The following UTRN variants were observed in gnomAD, a reference collection of about 807,000 sequenced individuals.
The protein encoded by UTRN is dystrophin-related protein 1.
UTRN carries 283 observed loss-of-function variants against 463.9 expected under a neutral mutation model. The observed-to-expected ratio is 0.61, with a 90% confidence interval of 0.55 to 0.67. UTRN has a LOEUF of 0.67. Among genes scored for constraint, UTRN ranks in the 30% least tolerant of loss-of-function variants. UTRN has a pLI of 0.00. For synonymous variants in UTRN, 1,442 were observed against 1,431.5 expected, an observed-to-expected ratio of 1.01 and a Z score of -0.17; for missense variants, 3,922 against 4,084.3, an observed-to-expected ratio of 0.96 and a Z score of 1.08.
chr6:144,850,360 A>G (rs1244385217), intron 74 of UTRN, among the ~76,000 whole-genome samples: 1 of 152,176 alleles, frequency 6.6e-6, no homozygotes, highest in African/African-American at 2.4e-5. Context: ...ATGATTTATG[A>G]GGCATGGACC....
intron 54 of UTRN, among the ~76,000 whole-genome samples, chr6:144,740,507 A>G (rs1789929621): frequency 1.3e-5 from 2 of 152,210 alleles, no homozygotes; most frequent in Non-Finnish European, 2.9e-5. Context: ...ATAGACCACG[A>G]CAATAATTTC....
intron 53 of UTRN, among the ~76,000 whole-genome samples, chr6:144,719,315 A>G (rs1365477655): frequency 1.3e-5 from 2 of 152,214 alleles, no homozygotes; most frequent in African/African-American, 2.4e-5. Flanking sequence ...TCAGTGGCTC[A>G]TGCCTGTGAT....
intron 17 of UTRN, among the ~76,000 whole-genome samples, chr6:144,450,412 C>G (rs908841406): frequency 3.9e-5 from 6 of 152,184 alleles, no homozygotes; most frequent in Non-Finnish European, 7.3e-5. Flanking sequence ...ATGTGATCTT[C>G]CCTTTCTCTG....
rs975149116 is a variant in UTRN at position 144,485,607 on chromosome 6, G to C, written c.3822+88G>C. 3.9e-6 allele frequency: 6 copies of C among 1,544,870 alleles called. No homozygotes were observed. The African/African-American group carries it at 8.3e-5, about 21-fold the overall frequency. ...ATGAGGAATGTAATGCTTTACGCAG[G>C]CAAATGCATTTGCTTCCTCAGTGGT... On this transcript the variant is annotated intron_variant, in intron 28 of 74. Coordinates refer to ENST00000367545, the MANE Select transcript of UTRN (RefSeq NM_007124.3).
chr6:144,595,080 A>T (rs1803503242), intron 51 of UTRN, among the ~76,000 whole-genome samples: 1 of 152,188 alleles, frequency 6.6e-6, no homozygotes, highest in South Asian at 2.1e-4. Context: ...ATAATGGGAA[A>T]AATGCTGAAT....
In UTRN at chr6:144,736,027, T is replaced by C. The variant is rs180940272; in HGVS notation, c.7939+5541T>C. Among the ~76,000 whole-genome samples the C allele has an allele frequency of 3.9e-5, 6 of 152,322 alleles. No individual in the cohort carries two copies. The East Asian group carries it at 1.2e-3, about 29-fold the overall frequency. ...GGGGACAAGAAAAAAAGAAGTCATG[T>C]CAATTTAACTTTATGGTTTTTTTTG... On this transcript the variant is annotated intron_variant, in intron 54 of 74. Transcript: ENST00000367545.
chr6:144,669,222 AT>A (rs573022978), intron 51 of UTRN, among the ~76,000 whole-genome samples: 380 of 152,302 alleles, frequency 2.5e-3, no homozygotes, highest in Non-Finnish European at 4.1e-3. Context: ...TATATCTTAA[AT>A]TTGTTAGATT....
In UTRN at chr6:144,824,566, TTTTA is replaced by T. The variant is rs1166101741; in HGVS notation, c.9495-2776_9495-2773del. ...CATATGTATATATATTAATATAGCA[TTTTA>T]TTTATATATATATATATATATATAT... On this transcript the variant is annotated intron_variant, in intron 66 of 74. Coordinates refer to ENST00000367545, the MANE Select transcript of UTRN (RefSeq NM_007124.3). Among the ~76,000 whole-genome samples the T allele has an allele frequency of 9.4e-4, 64 of 68,162 alleles. 2 individuals carry two copies. The East Asian group carries it at 0.01, about 11-fold the overall frequency. 44.7% of individuals were successfully genotyped at this position (68,162 alleles called of 152,430 possible).
At chr6:144,824,592 A>T (rs1231733331) in intron 66 of UTRN, among the ~76,000 whole-genome samples, 2 of 49,604 alleles carry the variant, frequency 4.0e-5, no homozygotes, top group Admixed American at 3.5e-4. Context: ...ATATATATAT[A>T]TATATATATA....
At position 144,493,491 on chromosome 6, in the gene UTRN, C is replaced by G. The variant is rs545819839; in HGVS notation, c.4593+35C>G. ...GCAGCCCCACAGCTCATCTCTCTGT[C>G]TCTCTCTCTCTCTCTCTCAATCTCT... On this transcript the variant is annotated intron_variant, in intron 33 of 74. Coordinates refer to ENST00000367545, the MANE Select transcript of UTRN (RefSeq NM_007124.3). The G allele has an allele frequency of 1.8e-5, 17 of 931,548 alleles. No homozygotes were observed. The East Asian group carries it at 1.9e-4, about 10-fold the overall frequency. The allele number at this position is 931,548 out of a possible 1,614,324, so 57.7% of individuals were successfully genotyped here. A position where few individuals can be genotyped will look rare whatever the true frequency, so the allele number is the denominator to read the frequency against.
At chr6:144,686,844 A>G (rs1782813012) in intron 52 of UTRN, among the ~76,000 whole-genome samples, 1 of 151,882 alleles carries the variant, frequency 6.6e-6, no homozygotes, top group Non-Finnish European at 1.5e-5. Flanking sequence ...TTCTGCCACT[A>G]TGTCTTTTAG....
chr6:144,665,446 T>G (rs1780285525), intron 51 of UTRN, among the ~76,000 whole-genome samples: 1 of 151,360 alleles, frequency 6.6e-6, no homozygotes, highest in South Asian at 2.1e-4. Flanking sequence ...AGCTTTATAA[T>G]CAAGTAGTAG....
intron 8 of UTRN, 94 bp downstream of exon 8, chr6:144,428,987 T>A: frequency 1.2e-6 from 1 of 803,482 alleles, no homozygotes; most frequent in Non-Finnish European, 1.9e-6. Context: ...AAATGAATTA[T>A]GAGACTTGAA....
At chr6:144,739,625 G>A (rs527662792) in intron 54 of UTRN, among the ~76,000 whole-genome samples, 14 of 152,220 alleles carry the variant, frequency 9.2e-5, no homozygotes, top group Middle Eastern at 3.4e-3. Context: ...CTCCATAACC[G>A]AGCCACGGTA....
chr6:144,393,488 A>G (rs1464066552), intron 2 of UTRN, among the ~76,000 whole-genome samples: 2 of 152,206 alleles, frequency 1.3e-5, no homozygotes, highest in Non-Finnish European at 2.9e-5. Flanking sequence ...AAGTTTTAAG[A>G]AGAAAAAGAA....
At chr6:144,337,017 C>A (rs1030722462) in intron 2 of UTRN, among the ~76,000 whole-genome samples, 1 of 152,094 alleles carries the variant, frequency 6.6e-6, no homozygotes, top group Non-Finnish European at 1.5e-5. Context: ...TCCTGCAGAT[C>A]GCTGTCAGCC....
chr6:144,646,140 C>G (rs1035393522), intron 51 of UTRN, among the ~76,000 whole-genome samples: 2 of 152,184 alleles, frequency 1.3e-5, no homozygotes, highest in African/African-American at 4.8e-5. Context: ...CTTCTACCCC[C>G]TCTACAAGAT....
intron 2 of UTRN, among the ~76,000 whole-genome samples, chr6:144,360,080 C>A (rs1293566973): frequency 2.1e-5 from 2 of 95,730 alleles, no homozygotes; most frequent in East Asian, 6.4e-4. Context: ...CCCTTCCCTT[C>A]CCTTCCCTTC....
intron 51 of UTRN, among the ~76,000 whole-genome samples, chr6:144,651,992 A>T (rs1249976510): frequency 1.3e-5 from 2 of 151,940 alleles, no homozygotes; most frequent in Admixed American, 6.6e-5. Context: ...CTGAGTCCCC[A>T]TTGTGTTGTA....
Sources: allele counts gnomAD v4.1 joint callset (sites outside exome capture counted in the v4.1 genomes callset), GRCh38; gene constraint gnomAD v4.1.1; transcripts MANE v1.5; gene names NCBI Gene and HGNC (gene_info 2026-07-23, HGNC 2026-07-21).